SLC12A7: variants seen among roughly 807,000 people sequenced by gnomAD.
SLC12A7 encodes K-Cl cotransporter 4.
A neutral mutation model predicts 120.6 loss-of-function variants in SLC12A7; 100 were observed. That is an observed-to-expected ratio of 0.83 (90% CI 0.71 to 0.98). The LOEUF (loss-of-function observed/expected upper bound fraction) is 0.98, where lower values mean the gene tolerates loss of function less well. SLC12A7 is among the 50% of genes least tolerant of loss of function. The probability of loss-of-function intolerance (pLI) is 0.00; values close to 1 mark genes in which losing one functional copy is unlikely to be tolerated. For synonymous variants in SLC12A7, 760 were observed against 678.0 expected (o/e 1.12, Z -1.88); for missense variants, 1,373 against 1,548.1 (o/e 0.89, Z 1.90).
chr5:1,060,206 G>T, intron 21 of SLC12A7, 138 bp downstream of exon 21: 1 of 668,732 alleles, frequency 1.5e-6, no homozygotes, highest in Non-Finnish European at 2.6e-6. Context: ...CAGGCTGGGG[G>T]CTGAGCCTGC....
At chr5:1,099,666 C>G (rs1467908169) in intron 1 of SLC12A7, among the ~76,000 whole-genome samples, 2 of 152,208 alleles carry the variant, frequency 1.3e-5, no homozygotes, top group Non-Finnish European at 2.9e-5. Flanking sequence ...GCTGAACTCA[C>G]CTCACAGAAG....
At position 1,088,129 on chromosome 5, in the gene SLC12A7, C is replaced by T. The variant is rs537216473; in HGVS notation, c.544+177G>A. Among the ~76,000 whole-genome samples, 32 of 152,330 alleles carry T rather than the reference C, an allele frequency of 2.1e-4. No homozygotes were observed. In the South Asian group the frequency reaches 5.2e-3, roughly 25 times the overall value. ...AAAATGGGGAAGAAAACCAAACAGC[C>T]GTGACCTCACGGCTCAAACGCCAGA... On this transcript the variant is annotated intron_variant, in intron 5 of 23. Transcript: ENST00000264930.
At chr5:1,120,963 G>C in the SLC12A7 span, among the ~76,000 whole-genome samples, 2 of 152,214 alleles carry the variant, frequency 1.3e-5, no homozygotes, top group African/African-American at 4.8e-5. Context: ...AAAGATTTAA[G>C]ATGTGTGCTG....
chr5:1,060,760 C>T lies in SLC12A7; in HGVS notation c.2740-309G>A, dbSNP rs1483814506. ...CCAACCTGGCACACACGGCTCAGGGCGAGGCACTGCCCCATGGGGCTGCAT... is the reference window on the plus strand; with the variant it reads ...CCAACCTGGCACACACGGCTCAGGGTGAGGCACTGCCCCATGGGGCTGCAT... On this transcript the variant is annotated intron_variant, in intron 20 of 23. Transcript: ENST00000264930. Among the ~76,000 whole-genome samples the T allele has an allele frequency of 5.9e-5, 9 of 152,170 alleles. No individual in the cohort carries two copies. In the South Asian group the frequency reaches 6.2e-4, roughly 11 times the overall value.
At chr5:1,131,553 C>T in the SLC12A7 span, among the ~76,000 whole-genome samples, 2 of 152,206 alleles carry the variant, frequency 1.3e-5, no homozygotes, top group Admixed American at 6.5e-5. Context: ...CTCCGGGCAA[C>T]CTGCCAGGAC....
intron 9 of SLC12A7, among the ~76,000 whole-genome samples, chr5:1,080,668 G>T (rs1287640424): frequency 7.2e-5 from 11 of 152,232 alleles, no homozygotes; most frequent in Non-Finnish European, 1.6e-4. Context: ...GCGACTCGAA[G>T]AGCACGGGGC....
intron 18 of SLC12A7, 91 bp downstream of exon 18, chr5:1,065,183 GAGGGGACAC>G: frequency 1.9e-6 from 2 of 1,041,232 alleles, no homozygotes; most frequent in Non-Finnish European, 2.8e-6. Flanking sequence ...AGAGGACAGC[GAGGGGACAC>G]TGAGGAGACA....
the SLC12A7 span, among the ~76,000 whole-genome samples, chr5:1,140,500 G>T: frequency 4.0e-5 from 6 of 151,408 alleles, no homozygotes; most frequent in Non-Finnish European, 8.8e-5. Flanking sequence ...GCTGGTGAGG[G>T]GGGGTGCTCC....
intron 22 of SLC12A7, 78 bp from the exon 23 acceptor site, chr5:1,053,560 T>G (rs1735285097): frequency 2.6e-6 from 4 of 1,543,536 alleles, no homozygotes; most frequent in Non-Finnish European, 3.5e-6. Context: ...TGAGCCCTGA[T>G]GAGCTGCATT....
chr5:1,063,877 C>T lies in SLC12A7; in HGVS notation c.2706G>A (p.Leu902=), dbSNP rs780729146. Residue 902 remains leucine, a synonymous_variant, in exon 20 of 24, where the codon TTG becomes TTA. Transcript: ENST00000264930. ...CCACCTCCACCTCGGCGCTGATGCG[C>T]AAGTGGTACAAGAACATCTGCAGGT... ...KKDLQMFLYH[L]RISAEVEVVE... 2 of 1,609,086 alleles carry T rather than the reference C, an allele frequency of 1.2e-6. No individual in the cohort carries two copies. The highest frequency in any genetic ancestry group is 2.2e-5 in the South Asian group (2 of 90,960).
chr5:1,058,100 A>ACCAG (rs1391235723), intron 21 of SLC12A7, among the ~76,000 whole-genome samples: 21 of 152,208 alleles, frequency 1.4e-4, no homozygotes, highest in African/African-American at 4.8e-4. Context: ...GCTGTGTCTG[A>ACCAG]CCAGCCAGGG....
chr5:1,140,142 C>G, the SLC12A7 span, among the ~76,000 whole-genome samples: 1 of 152,358 alleles, frequency 6.6e-6, no homozygotes, highest in South Asian at 2.1e-4. Flanking sequence ...CAGAAGGCCC[C>G]CCAGAAACGC....
intron 6 of SLC12A7, 30 bp downstream of exon 6, chr5:1,086,873 G>A (rs1739916118): frequency 6.2e-7 from 1 of 1,609,386 alleles, no homozygotes; most frequent in Admixed American, 1.7e-5. Flanking sequence ...AGACTGTGGG[G>A]TGGGAACCCT....
At chr5:1,060,957 C>G (rs1264653680) in intron 20 of SLC12A7, among the ~76,000 whole-genome samples, 1 of 152,076 alleles carries the variant, frequency 6.6e-6, no homozygotes, top group Non-Finnish European at 1.5e-5. Context: ...CCCGGAACAT[C>G]CACAGTGTGG....
At position 1,077,859 on chromosome 5, in the gene SLC12A7, G is replaced by A. The variant is rs374387268; in HGVS notation, c.1603C>T (p.Arg535Cys). ...GAPRLLQAIA[R>C]DGIVPFLQVF... is the part of the protein sequence containing the mutation. ...TGCAGGAAGGGGACGATGCCGTCAC[G>A]GGCAATGGCCTGCAGTAGGCGCGGT... is the stretch of plus-strand genomic sequence containing the variant. Residue 535 changes from arginine (R) to cysteine (C), a missense_variant, in exon 12 of 24, where the codon CGT becomes TGT. Arg to Cys is a radical substitution (Grantham distance 180). Transcript: ENST00000264930. 3.1e-5 allele frequency: 50 copies of A among 1,593,766 alleles called. No individual in the cohort carries two copies. Among genetic ancestry groups the A allele is most frequent in the East Asian group, 4.6e-5 (2 of 43,682 alleles).
the SLC12A7 span, among the ~76,000 whole-genome samples, chr5:1,146,354 T>A: frequency 1.0e-5 from 1 of 100,258 alleles, no homozygotes; most frequent in Non-Finnish European, 2.4e-5. This position sits in a 1 kb window ranked among gnomAD's most constrained non-coding sequence, Gnocchi z 6.5. Context: ...ACCACGGACC[T>A]CCAGGCCTGG....
intron 21 of SLC12A7, 86 bp downstream of exon 21, chr5:1,060,258 G>T: frequency 2.0e-6 from 2 of 1,009,444 alleles, no homozygotes; most frequent in Admixed American, 1.7e-5. Flanking sequence ...ACCCTCGTGG[G>T]CTGCAGGAGG....
the SLC12A7 span, among the ~76,000 whole-genome samples, chr5:1,140,189 G>A: frequency 4.6e-5 from 7 of 152,318 alleles, no homozygotes; most frequent in South Asian, 8.3e-4. Flanking sequence ...CGTACCAGCC[G>A]CTGCAGCCCC....
chr5:1,148,123 G>A, the SLC12A7 span, among the ~76,000 whole-genome samples: 1 of 151,940 alleles, frequency 6.6e-6, no homozygotes, highest in Non-Finnish European at 1.5e-5. Context: ...CTGGGCCATG[G>A]TCACTCACAT....
Sources: allele counts gnomAD v4.1 joint callset (sites outside exome capture counted in the v4.1 genomes callset), GRCh38; gene constraint gnomAD v4.1.1; non-coding constraint Gnocchi (gnomAD v3.1); transcripts MANE v1.5; gene names NCBI Gene and HGNC (gene_info 2026-07-23, HGNC 2026-07-21).